The following FZD3 variants were observed in gnomAD, a reference collection of about 807,000 sequenced individuals.
The protein encoded by FZD3 is frizzled-3.
A neutral mutation model predicts 60.7 loss-of-function variants in FZD3; 30 were observed. The observed-to-expected ratio is 0.49, with a 90% CI of 0.37 to 0.67. The LOEUF (loss-of-function observed/expected upper bound fraction) is 0.67. FZD3 is among the 30% of genes least tolerant of loss of function. FZD3 has a pLI of 0.00. For synonymous variants in FZD3, 246 were observed against 275.2 expected (o/e 0.89, Z 1.05); for missense variants, 605 against 838.7 (o/e 0.72, Z 3.44).
chr8:28,534,446 G>A (rs964507660), intron 5 of FZD3, among the ~76,000 whole-genome samples: 5 of 152,090 alleles, frequency 3.3e-5, no homozygotes, highest in African/African-American at 4.8e-5. Context: ...CTAGCTACTC[G>A]GGAGGCTGAG....
intron 3 of FZD3, among the ~76,000 whole-genome samples, chr8:28,503,826 C>T (rs1354653468): frequency 6.6e-6 from 1 of 152,172 alleles, no homozygotes; most frequent in African/African-American, 2.4e-5. Flanking sequence ...AATTCTACCT[C>T]TACCACTTTC....
chr8:28,536,772 G>T (rs879819630), intron 5 of FZD3, among the ~76,000 whole-genome samples: 1 of 152,048 alleles, frequency 6.6e-6, no homozygotes, highest in Non-Finnish European at 1.5e-5. Flanking sequence ...AGCACACAAG[G>T]CATCCCATCT....
intron 5 of FZD3, among the ~76,000 whole-genome samples, chr8:28,537,708 A>G (rs1005583799): frequency 1.3e-5 from 2 of 152,200 alleles, no homozygotes; most frequent in African/African-American, 2.4e-5. Flanking sequence ...ATTCTTTTAT[A>G]ACAGTGGTTG....
chr8:28,530,876 A>G (rs1804853967), intron 5 of FZD3, among the ~76,000 whole-genome samples: 1 of 152,168 alleles, frequency 6.6e-6, no homozygotes. Context: ...TTAACTCAAC[A>G]TTTTGTTTTT....
At chr8:28,551,424 G>A (rs1805408782) in intron 5 of FZD3, among the ~76,000 whole-genome samples, 179 bp from the exon 6 acceptor site, 1 of 152,176 alleles carries the variant, frequency 6.6e-6, no homozygotes. Context: ...TGTGAGGCAG[G>A]AGAATTGCTT....
In FZD3 at chr8:28,530,908, T is replaced by C. The variant is rs76304142; in HGVS notation, c.1404+2744T>C. Among the ~76,000 whole-genome samples the C allele has an allele frequency of 5.6e-3, 846 of 152,336 alleles. 11 individuals carry two copies. Among genetic ancestry groups the C allele is most frequent in the African/African-American group, 0.019 (804 of 41,590 alleles). On this transcript the variant is annotated intron_variant, in intron 5 of 7. Coordinates refer to ENST00000240093, the MANE Select transcript of FZD3 (RefSeq NM_017412.4). ...TTTTGAGTTGCATTTATTTTAATACTGCAACTCTATTTTTTAAAATGTTTC... is the reference window on the plus strand; with the variant it reads ...TTTTGAGTTGCATTTATTTTAATACCGCAACTCTATTTTTTAAAATGTTTC...
At chr8:28,509,627 G>T (rs574439421) in intron 3 of FZD3, among the ~76,000 whole-genome samples, 15 of 152,048 alleles carry the variant, frequency 9.9e-5, no homozygotes, top group Admixed American at 3.9e-4. Context: ...GGCAACTACC[G>T]TTTTACTTTC....
At chr8:28,531,602 A>G (rs2130389902) in intron 5 of FZD3, among the ~76,000 whole-genome samples, 1 of 152,242 alleles carries the variant, frequency 6.6e-6, no homozygotes, top group East Asian at 1.9e-4. Context: ...CTTTGTCCCC[A>G]TTTTGGCACT....
intron 5 of FZD3, 79 bp downstream of exon 5, chr8:28,528,243 C>A: frequency 9.0e-7 from 1 of 1,115,450 alleles, no homozygotes; most frequent in Non-Finnish European, 1.3e-6. Context: ...TTAATATCAG[C>A]TGTTTTTTGA....
In FZD3 at chr8:28,528,056, C is replaced by G. The variant is rs764072748; in HGVS notation, c.1296C>G (p.Leu432=). The G allele has an allele frequency of 6.2e-7, 1 of 1,613,852 alleles. No homozygotes were observed. The highest frequency in any genetic ancestry group is 2.2e-5 in the East Asian group (1 of 44,882). Residue 432 remains leucine, a synonymous_variant, in exon 5 of 8, where the codon CTC becomes CTG. Coordinates refer to ENST00000240093, the MANE Select transcript of FZD3 (RefSeq NM_017412.4). The part of the protein sequence containing the change: ...GVFSILYLVP[L]LVVIGCYFYE... ...TCAGCATTCTTTATCTCGTACCACT[C>G]TTGGTTGTAATTGGATGCTACTTTT... is the stretch of plus-strand genomic sequence containing the variant.
At chr8:28,524,958 T>A (rs1392813781) in intron 4 of FZD3, among the ~76,000 whole-genome samples, 1 of 152,220 alleles carries the variant, frequency 6.6e-6, no homozygotes, top group African/African-American at 2.4e-5. Context: ...AACTCCCACA[T>A]TCAAGTTAGG....
Position 28,567,928 on chromosome 8 carries a change from C to A in FZD3, c.*4917C>A, listed in dbSNP as rs1052561794. 2 of 151,992 alleles carry A rather than the reference C, an allele frequency of 1.3e-5. No individual in the cohort carries two copies. Among genetic ancestry groups the A allele is most frequent in the African/African-American group, 4.8e-5 (2 of 41,386 alleles). The allele number at this position is 151,992 out of a possible 1,614,324, so 9.4% of individuals were successfully genotyped here. A position where few individuals can be genotyped will look rare whatever the true frequency, so the allele number is the denominator to read the frequency against. On this transcript the variant is annotated 3_prime_UTR_variant, in exon 8 of 8. Coordinates refer to ENST00000240093, the MANE Select transcript of FZD3 (RefSeq NM_017412.4). ...AAATATATATGAAGAAGAATGTAGACCCTATAATGTTTTTTGTCTTTGACT... is the reference window on the plus strand; with the variant it reads ...AAATATATATGAAGAAGAATGTAGAACCTATAATGTTTTTTGTCTTTGACT...
rs1585197689 is a variant in FZD3 at position 28,563,489 on chromosome 8, G to A, written c.*478G>A. ...GTTTTATTTCCACTAAGTGAAAAAA[G>A]AACTGTGTTTTTAAACTGTAGGAGA... On this transcript the variant is annotated 3_prime_UTR_variant, in exon 8 of 8. Coordinates refer to ENST00000240093, the MANE Select transcript of FZD3 (RefSeq NM_017412.4). The A allele has an allele frequency of 6.4e-6, 1 of 157,324 alleles. No homozygotes were observed. The highest frequency in any genetic ancestry group is 6.2e-5 in the Admixed American group (1 of 16,144). The allele number at this position is 157,324 out of a possible 1,614,324, so 9.7% of individuals were successfully genotyped here. A position where few individuals can be genotyped will look rare whatever the true frequency, so the allele number is the denominator to read the frequency against.
intron 6 of FZD3, among the ~76,000 whole-genome samples, chr8:28,554,754 C>T (rs1003941033): frequency 6.6e-6 from 1 of 151,946 alleles, no homozygotes; most frequent in African/African-American, 2.4e-5. Context: ...TTCCTTCAGC[C>T]CATCTACCCC....
intron 4 of FZD3, among the ~76,000 whole-genome samples, chr8:28,525,495 GAGC>G (rs1261860647): frequency 6.6e-6 from 1 of 152,156 alleles, no homozygotes; most frequent in African/African-American, 2.4e-5. Flanking sequence ...AAAGGAAACA[GAGC>G]AGCAAGTACA....
intron 3 of FZD3, among the ~76,000 whole-genome samples, chr8:28,516,080 A>C (rs1804418738): frequency 6.6e-6 from 1 of 152,142 alleles, no homozygotes; most frequent in South Asian, 2.1e-4. Flanking sequence ...TGATTTTTGT[A>C]TATAAGGTAA....
intron 5 of FZD3, among the ~76,000 whole-genome samples, chr8:28,531,167 T>A (rs937805304): frequency 1.3e-5 from 2 of 151,638 alleles, no homozygotes; most frequent in East Asian, 3.9e-4. Context: ...ACCCTTCTCA[T>A]AAATACGGTA....
Position 28,527,903 on chromosome 8 carries a change from G to A in FZD3, c.1143G>A (p.Leu381=), listed in dbSNP as rs756096158. 1 of 1,613,956 alleles carries A rather than the reference G, an allele frequency of 6.2e-7. No homozygotes were observed. Among genetic ancestry groups the A allele is most frequent in the African/African-American group, 1.3e-5 (1 of 74,942 alleles). The change falls in exon 5 of 8, where the codon CTG becomes CTA. Residue 381 remains leucine, a synonymous_variant. Transcript: ENST00000240093. This position sits in a 1 kb window ranked among gnomAD's most constrained non-coding sequence, Gnocchi z 5.0. ...ATTTTGTTCTTGCTCCCCTCTGCCT[G>A]TATGTGGTAGTTGGGGTTTCTCTCC... ...LRYFVLAPLC[L]YVVVGVSLLL...
chr8:28,537,823 A>G (rs1473767987), intron 5 of FZD3, among the ~76,000 whole-genome samples: 2 of 152,166 alleles, frequency 1.3e-5, no homozygotes, highest in African/African-American at 2.4e-5. Flanking sequence ...AGTATTAAAC[A>G]TATTTAATAT....
Sources: gnomAD v4.1 joint callset for allele counts (sites outside exome capture counted in the v4.1 genomes callset) on GRCh38, gnomAD v4.1.1 for gene constraint, Gnocchi (gnomAD v3.1) non-coding constraint, MANE v1.5 for transcripts, NCBI Gene and HGNC (gene_info 2026-07-23, HGNC 2026-07-21) for gene names.